Variants in BNC2 observed in about 807,000 individuals in gnomAD.
BNC2 encodes zinc finger protein basonuclin-2.
A neutral mutation model predicts 76.3 loss-of-function variants in BNC2; 20 were observed. The observed-to-expected ratio is 0.26, with a 90% CI of 0.18 to 0.38. The LOEUF (loss-of-function observed/expected upper bound fraction) is 0.38. Ranked by LOEUF, BNC2 falls within the 10% of genes least tolerant of loss-of-function variation. The pLI is 1.00. For synonymous variants in BNC2, 582 were observed against 514.8 expected (o/e 1.13, Z -1.77); for missense variants, 1,382 against 1,399.8 (o/e 0.99, Z 0.20).
chr9:16,427,209 C>A (rs1252614423), intron 6 of BNC2, among the ~76,000 whole-genome samples: 1 of 152,196 alleles, frequency 6.6e-6, no homozygotes, highest in Non-Finnish European at 1.5e-5. Context: ...ATATAATTAA[C>A]CTTCCATTCT....
chr9:16,809,182 G>T (rs182117006), intron 1 of BNC2, among the ~76,000 whole-genome samples: 1 of 152,102 alleles, frequency 6.6e-6, no homozygotes, highest in Non-Finnish European at 1.5e-5. Context: ...TTGTCTCAGC[G>T]CTGCATGTGA....
At chr9:16,789,723 G>A (rs528327035) in intron 1 of BNC2, among the ~76,000 whole-genome samples, 1 of 152,142 alleles carries the variant, frequency 6.6e-6, no homozygotes, top group Non-Finnish European at 1.5e-5. Context: ...ATATGTTATA[G>A]TATAATGGTC....
intron 3 of BNC2, among the ~76,000 whole-genome samples, chr9:16,667,308 C>CA (rs1563889134): frequency 6.6e-6 from 1 of 152,174 alleles, no homozygotes; most frequent in Non-Finnish European, 1.5e-5. Context: ...TTTCCTTTTG[C>CA]AAATTTAACC....
intron 3 of BNC2, among the ~76,000 whole-genome samples, chr9:16,634,128 C>G (rs1204991912): frequency 6.6e-6 from 1 of 152,184 alleles, no homozygotes; most frequent in Non-Finnish European, 1.5e-5. Flanking sequence ...TCTGACAGGA[C>G]TATTTATATG....
chr9:16,806,253 A>C (rs560182460), intron 1 of BNC2, among the ~76,000 whole-genome samples: 1 of 152,326 alleles, frequency 6.6e-6, no homozygotes, highest in East Asian at 1.9e-4. Flanking sequence ...AAGCAGGAGG[A>C]TCACTTGAGC....
At chr9:16,657,158 T>G (rs909724460) in intron 3 of BNC2, among the ~76,000 whole-genome samples, 3 of 152,068 alleles carry the variant, frequency 2.0e-5, no homozygotes, top group African/African-American at 7.2e-5. Context: ...TAACATCAAA[T>G]CTGCAGAAAT....
chr9:16,499,069 A>G (rs1822461571), intron 5 of BNC2, among the ~76,000 whole-genome samples: 2 of 152,230 alleles, frequency 1.3e-5, no homozygotes, highest in South Asian at 2.1e-4. Context: ...ACAAACCACA[A>G]TGTAATCAAA....
In BNC2 at chr9:16,559,455, A is replaced by C. The variant is rs189829835; in HGVS notation, c.434-6690T>G. Among the ~76,000 whole-genome samples the C allele has an allele frequency of 3.6e-3, 547 of 152,296 alleles. 6 individuals carry two copies. The highest frequency in any genetic ancestry group is 0.027 in the Admixed American group (415 of 15,300). ...AGCATACAAACACAGTATTATTATT[A>C]TTGCTTATTCTGAGATTATAGGCTC... On this transcript the variant is annotated intron_variant, in intron 4 of 6. Transcript: ENST00000380672.
At chr9:16,444,765 G>A (rs1336665072) in intron 5 of BNC2, among the ~76,000 whole-genome samples, 1 of 152,140 alleles carries the variant, frequency 6.6e-6, no homozygotes, top group South Asian at 2.1e-4. Flanking sequence ...TACATAATAT[G>A]TGCAGTCCTC....
At chr9:16,580,978 A>G (rs891015772) in intron 4 of BNC2, among the ~76,000 whole-genome samples, 1 of 152,172 alleles carries the variant, frequency 6.6e-6, no homozygotes, top group African/African-American at 2.4e-5. Context: ...TCTACAACCA[A>G]ACTGCCTCCA....
At chr9:16,463,338 C>G (rs577058945) in intron 5 of BNC2, among the ~76,000 whole-genome samples, 1 of 132,272 alleles carries the variant, frequency 7.6e-6, no homozygotes, top group Non-Finnish European at 1.5e-5. Context: ...GCTCTGTCGC[C>G]CAGGCTGGAG....
At chr9:16,606,528 G>A (rs1252465944) in intron 3 of BNC2, among the ~76,000 whole-genome samples, 2 of 148,526 alleles carry the variant, frequency 1.3e-5, no homozygotes, top group Non-Finnish European at 3.0e-5. Flanking sequence ...AGATCTGATA[G>A]CTTTTTTTTT....
At chr9:16,784,556 C>T (rs1206734200) in intron 1 of BNC2, among the ~76,000 whole-genome samples, 1 of 152,114 alleles carries the variant, frequency 6.6e-6, no homozygotes, top group Non-Finnish European at 1.5e-5. Context: ...AGCAAGCCTA[C>T]ACTCAAGGAG....
At position 16,417,263 on chromosome 9, in the gene BNC2, G is replaced by A. The variant is rs1266900925; in HGVS notation, c.*1726C>T. On this transcript the variant is annotated 3_prime_UTR_variant, in exon 7 of 7. Transcript: ENST00000380672. The stretch of plus-strand genomic sequence containing the variant: ...TTAGTCAGTATGTTGTGGTAGCTGA[G>A]GCTGCCGATGTGGTTAACCAGCTCA... 2.0e-5 allele frequency: 3 copies of A among 152,592 alleles called. No homozygotes were observed. Among genetic ancestry groups the A allele is most frequent in the Non-Finnish European group, 4.4e-5 (3 of 68,034 alleles). 9.5% of individuals were successfully genotyped at this position (152,592 alleles called of 1,614,324 possible). A position where few individuals can be genotyped will look rare whatever the true frequency, so the allele number is the denominator to read the frequency against.
At chr9:16,495,599 G>C (rs1231330844) in intron 5 of BNC2, among the ~76,000 whole-genome samples, 1 of 152,258 alleles carries the variant, frequency 6.6e-6, no homozygotes, top group Admixed American at 6.5e-5. Flanking sequence ...GCTGAATGTA[G>C]TTCAGGCCTG....
intron 5 of BNC2, among the ~76,000 whole-genome samples, chr9:16,527,579 T>C (rs1483417133): frequency 6.6e-6 from 1 of 152,174 alleles, no homozygotes; most frequent in Admixed American, 6.5e-5. Flanking sequence ...TAAGCTTCAA[T>C]AGCAGGCCAG....
At chr9:16,621,058 G>C (rs932005547) in intron 3 of BNC2, among the ~76,000 whole-genome samples, 4 of 152,194 alleles carry the variant, frequency 2.6e-5, no homozygotes, top group African/African-American at 4.8e-5. Context: ...AATTGAGCCT[G>C]GTGACAGCAA....
intron 4 of BNC2, among the ~76,000 whole-genome samples, chr9:16,580,350 A>C (rs1292025214): frequency 2.6e-5 from 4 of 152,190 alleles, no homozygotes; most frequent in Non-Finnish European, 5.9e-5. Flanking sequence ...GTTGTGGGAA[A>C]AAAGAGGTCA....
At chr9:16,677,578 A>AACACAC (rs57587457) in intron 3 of BNC2, among the ~76,000 whole-genome samples, 52 of 139,302 alleles carry the variant, frequency 3.7e-4, no homozygotes, top group African/African-American at 1.0e-3. Context: ...GTCTCAAACA[A>AACACAC]ACACACACAC....
Sources: gnomAD v4.1 joint callset for allele counts (sites outside exome capture counted in the v4.1 genomes callset) on GRCh38, gnomAD v4.1.1 for gene constraint, MANE v1.5 for transcripts, NCBI Gene and HGNC (gene_info 2026-07-23, HGNC 2026-07-21) for gene names.